DIS3L2: variants seen among roughly 807,000 people sequenced by gnomAD.
DIS3L2 encodes the protein DIS3 like 3'-5' exoribonuclease 2.
Under a neutral mutation model 97.5 loss-of-function variants are expected in DIS3L2, and 34 were observed. The observed-to-expected ratio is 0.35, with a 90% CI of 0.27 to 0.46. The LOEUF (loss-of-function observed/expected upper bound fraction) is 0.46, where lower values mean the gene tolerates loss of function less well. Among genes scored for constraint, DIS3L2 ranks in the 20% least tolerant of loss-of-function variants. The pLI is 1.00. For missense variants in DIS3L2, 1,038 were observed against 1,146.0 expected (o/e 0.91, Z 1.36); for synonymous variants, 435 against 445.2 (o/e 0.98, Z 0.29).
chr2:232,078,038 TTTC>T (rs1406547455), intron 5 of DIS3L2, among the ~76,000 whole-genome samples: 2 of 138,822 alleles, frequency 1.4e-5, no homozygotes, highest in African/African-American at 3.0e-5. Context: ...TCTCTTTCTC[TTTC>T]TTTTTTTTTT....
intron 2 of DIS3L2, 62 bp from the exon 3 acceptor site, chr2:232,015,452 C>T (rs886312308): frequency 1.9e-6 from 3 of 1,572,180 alleles, no homozygotes; most frequent in African/African-American, 1.4e-5. Flanking sequence ...GGTATAATAT[C>T]TCCAGTTTTA....
chr2:232,144,413 T>A (rs1219349351), intron 8 of DIS3L2, among the ~76,000 whole-genome samples: 2 of 152,136 alleles, frequency 1.3e-5, no homozygotes, highest in African/African-American at 4.8e-5. Flanking sequence ...AGGTTGAACA[T>A]CTTTCCATAT....
chr2:232,067,412 A>G (rs1173042794), intron 5 of DIS3L2, among the ~76,000 whole-genome samples: 2 of 152,138 alleles, frequency 1.3e-5, no homozygotes, highest in Non-Finnish European at 2.9e-5. Flanking sequence ...TTTCAGGTGT[A>G]TAGGTGAATA....
chr2:232,072,771 G>T (rs1457485865), intron 5 of DIS3L2, among the ~76,000 whole-genome samples: 3 of 148,220 alleles, frequency 2.0e-5, no homozygotes, highest in Non-Finnish European at 4.4e-5. Context: ...TCAGCTGACA[G>T]TTGGGATGTG....
intron 5 of DIS3L2, 29 bp from the exon 6 acceptor site, chr2:232,087,450 TCTCAGTGA>T (rs1453720525): frequency 6.7e-7 from 1 of 1,490,870 alleles, no homozygotes; most frequent in Non-Finnish European, 9.1e-7. Context: ...TTTTTTCCTC[TCTCAGTGA>T]TTTAGCAGAA....
At chr2:231,985,530 G>A (rs140115190) in intron 1 of DIS3L2, among the ~76,000 whole-genome samples, 1 of 152,264 alleles carries the variant, frequency 6.6e-6, no homozygotes, top group Non-Finnish European at 1.5e-5. Flanking sequence ...TAAAGCTGCC[G>A]TCAGCGTTCA....
chr2:232,132,266 G>A (rs181205034), intron 7 of DIS3L2, among the ~76,000 whole-genome samples: 1 of 152,270 alleles, frequency 6.6e-6, no homozygotes, highest in African/African-American at 2.4e-5. Flanking sequence ...CTATGGTAGA[G>A]TCATTTCCAT....
chr2:232,123,503 C>T (rs564334769), intron 6 of DIS3L2, among the ~76,000 whole-genome samples: 1 of 152,022 alleles, frequency 6.6e-6, no homozygotes, highest in South Asian at 2.1e-4. Flanking sequence ...GTCCCCCTCC[C>T]CTATTCTTAC....
At chr2:232,149,263 T>C (rs1163603534) in intron 8 of DIS3L2, among the ~76,000 whole-genome samples, 2 of 147,820 alleles carry the variant, frequency 1.4e-5, no homozygotes, top group East Asian at 2.0e-4. Context: ...TAGTTACATA[T>C]GTATACATGT....
intron 10 of DIS3L2, among the ~76,000 whole-genome samples, chr2:232,227,520 A>G (rs1025931643): frequency 6.6e-6 from 1 of 152,268 alleles, no homozygotes; most frequent in Non-Finnish European, 1.5e-5. Flanking sequence ...GTGGATTCTC[A>G]TACCACAGGC....
chr2:232,084,640 C>T (rs887165627), intron 5 of DIS3L2, among the ~76,000 whole-genome samples: 74 of 152,252 alleles, frequency 4.9e-4, no homozygotes, highest in African/African-American at 1.5e-3. Flanking sequence ...GGAGATATGT[C>T]TGTTTCTAAC....
intron 1 of DIS3L2, among the ~76,000 whole-genome samples, chr2:232,008,033 G>T (rs1446693049): frequency 1.3e-5 from 2 of 151,938 alleles, no homozygotes; most frequent in Middle Eastern, 3.4e-3. Flanking sequence ...TGGAGACAGG[G>T]TCTCACTCTG....
At chr2:232,096,811 A>G (rs1049767332) in intron 6 of DIS3L2, among the ~76,000 whole-genome samples, 1 of 151,990 alleles carries the variant, frequency 6.6e-6, no homozygotes, top group Admixed American at 6.5e-5. Flanking sequence ...ATCTGATATA[A>G]TTCTGAATTC....
chr2:232,199,472 G>A (rs1485053698), intron 9 of DIS3L2, among the ~76,000 whole-genome samples: 2 of 152,184 alleles, frequency 1.3e-5, no homozygotes, highest in Non-Finnish European at 2.9e-5. Context: ...CTTTCAAGAT[G>A]TGGGTTTATC....
At chr2:232,329,785 T>TGCCGGGGGGGCCG in intron 14 of DIS3L2, 28 bp from the exon 15 acceptor site, 1 of 967,144 alleles carries the variant, frequency 1.0e-6, no homozygotes, top group African/African-American at 1.7e-5. Flanking sequence ...ACCCCAGCGG[T>TGCCGGGGGGGCCG]CCCTCCCATC....
intron 1 of DIS3L2, among the ~76,000 whole-genome samples, chr2:231,964,069 T>C (rs1433859449): frequency 6.6e-6 from 1 of 152,206 alleles, no homozygotes; most frequent in Non-Finnish European, 1.5e-5. Context: ...ATGAAATATA[T>C]ACAGTTTTAT....
At chr2:232,220,313 C>T (rs1032066205) in intron 10 of DIS3L2, among the ~76,000 whole-genome samples, 1 of 151,004 alleles carries the variant, frequency 6.6e-6, no homozygotes, top group Non-Finnish European at 1.5e-5. Flanking sequence ...TCTCTAACAA[C>T]ACCAAGTATC....
chr2:232,106,810 T>C (rs1401782984), intron 6 of DIS3L2, among the ~76,000 whole-genome samples: 1 of 152,262 alleles, frequency 6.6e-6, no homozygotes, highest in Non-Finnish European at 1.5e-5. Context: ...TACATTATTC[T>C]TATTGCCACA....
intron 12 of DIS3L2, among the ~76,000 whole-genome samples, chr2:232,254,871 A>G (rs1231162635): frequency 2.0e-5 from 3 of 152,168 alleles, no homozygotes; most frequent in African/African-American, 4.8e-5. Flanking sequence ...ATCGGAAGTA[A>G]TGAGAGTTTG....
Sources: gnomAD v4.1 joint callset for allele counts (sites outside exome capture counted in the v4.1 genomes callset) on GRCh38, gnomAD v4.1.1 for gene constraint, MANE v1.5 for transcripts, NCBI Gene and HGNC (gene_info 2026-07-23, HGNC 2026-07-21) for gene names.